Variants in ABR observed in about 807,000 individuals in gnomAD.
ABR encodes active breakpoint cluster region-related protein.
In ABR, 35 loss-of-function variants were observed where a neutral mutation model predicts 107.2. That is an observed-to-expected ratio of 0.33 (90% confidence interval 0.25 to 0.43). The LOEUF is 0.43. Among genes scored for constraint, ABR ranks in the 20% least tolerant of loss-of-function variants. ABR has a pLI of 1.00. For missense variants in ABR, 815 were observed against 1,115.2 expected, an observed-to-expected ratio of 0.73 and a Z score of 3.83; for synonymous variants, 498 against 462.0, an observed-to-expected ratio of 1.08 and a Z score of -1.00.
At chr17:1,187,927 C>A (rs944550315), upstream of ABR, among the ~76,000 whole-genome samples, 14 of 148,616 alleles carry the variant, frequency 9.4e-5, no homozygotes, top group East Asian at 1.6e-3. Flanking sequence ...AAAATATTAT[C>A]AAATTGGGCC....
chr17:1,057,336 GT>G (rs2033422814), intron 12 of ABR, among the ~76,000 whole-genome samples: 17 of 95,902 alleles, frequency 1.8e-4, no homozygotes, highest in South Asian at 7.5e-4. Context: ...GTGTGTGTGT[GT>G]GTGTGTGTGT....
chr17:1,071,143 G>A lies in ABR; in HGVS notation c.895-1053C>T, dbSNP rs1161544950. 6.6e-6 allele frequency among the ~76,000 whole-genome samples: 1 copy of A among 152,162 alleles called. No homozygotes were observed. The highest frequency in any genetic ancestry group is 1.9e-4 in the East Asian group (1 of 5,192). ...CACGCCATTGCACTCCAGCCTGGAC[G>A]ATGGAATGAGATTCAGTCTCAAAAA... is the stretch of plus-strand genomic sequence containing the variant. On this transcript the variant is annotated intron_variant, in intron 8 of 22. Coordinates refer to ENST00000302538, the MANE Select transcript of ABR (RefSeq NM_021962.5). This position sits in a 1 kb window ranked among gnomAD's most constrained non-coding sequence, Gnocchi z 5.1.
chr17:1,198,048 C>A (rs959806264), intron 1 of ABR, among the ~76,000 whole-genome samples: 3 of 151,708 alleles, frequency 2.0e-5, no homozygotes, highest in Admixed American at 2.0e-4. Context: ...GAGAGCTGAG[C>A]TGTCGCCTTC....
chr17:1,012,968 G>A (rs2070756872), intron 17 of ABR, 137 bp downstream of exon 17: 21 of 1,152,616 alleles, frequency 1.8e-5, no homozygotes, highest in African/African-American at 3.1e-5. Flanking sequence ...GGGCAGGAGG[G>A]GAGAGGGGGC....
At chr17:1,059,001 T>C (rs1009893617) in intron 10 of ABR, 134 bp from the exon 11 acceptor site, 5 of 1,353,594 alleles carry the variant, frequency 3.7e-6, no homozygotes, top group East Asian at 2.4e-5. Flanking sequence ...TGACATCTTG[T>C]GGCAGGAGAG....
chr17:1,180,462 A>C (rs911591268), upstream of ABR, among the ~76,000 whole-genome samples: 1 of 151,326 alleles, frequency 6.6e-6, no homozygotes, highest in African/African-American at 2.4e-5. Context: ...CCCTTTCCAC[A>C]CCCCTGACCT....
chr17:1,089,113 G>A (rs563835785), intron 4 of ABR, among the ~76,000 whole-genome samples: 2 of 152,034 alleles, frequency 1.3e-5, no homozygotes, highest in African/African-American at 4.8e-5. Context: ...GGCCAGGCTG[G>A]TCTCGAACTC....
intron 4 of ABR, among the ~76,000 whole-genome samples, chr17:1,090,630 G>C (rs1190348756): frequency 6.6e-6 from 1 of 152,222 alleles, no homozygotes; most frequent in Non-Finnish European, 1.5e-5. Context: ...GCTCAGCTCT[G>C]AACACACTCA....
rs555979792 is a variant in ABR at position 1,004,187 on chromosome 17, C to G, written c.*1893G>C. ...CGACACTCGGATGCCAGGCAGGGAC[C>G]TTAGGAAGGGCCAGGCACTGCATCT... On this transcript the variant is annotated 3_prime_UTR_variant, in exon 23 of 23. Coordinates refer to ENST00000302538, the MANE Select transcript of ABR (RefSeq NM_021962.5). 3 of 152,370 alleles carry G rather than the reference C, an allele frequency of 2.0e-5. No individual in the cohort carries two copies. The East Asian group carries it at 5.8e-4, about 29-fold the overall frequency. 9.4% of individuals were successfully genotyped at this position (152,370 alleles called of 1,614,324 possible).
intron 16 of ABR, among the ~76,000 whole-genome samples, chr17:1,015,245 T>G (rs11657764): frequency 6.6e-6 from 1 of 151,470 alleles, no homozygotes; most frequent in Admixed American, 6.6e-5. Flanking sequence ...GACAAAACCC[T>G]GTCTCTACTA....
At position 1,154,769 on chromosome 17, in the gene ABR, A is replaced by T. The variant is rs1219661341; in HGVS notation, c.61+24898T>A. On this transcript the variant is annotated intron_variant, in intron 1 of 22. Coordinates refer to ENST00000302538, the MANE Select transcript of ABR (RefSeq NM_021962.5). This position sits in a 1 kb window ranked among gnomAD's most constrained non-coding sequence, Gnocchi z 4.0. Reference sequence around the variant, plus strand: ...CCATGGATGTAGTGCTCGCCCTCCCAAGGCCGGTGTCCTGGTGACGATGCC... The same window carrying T: ...CCATGGATGTAGTGCTCGCCCTCCCTAGGCCGGTGTCCTGGTGACGATGCC... 6.7e-6 allele frequency: 1 copy of T among 149,434 alleles called. No homozygotes were observed. The highest frequency in any genetic ancestry group is 1.5e-5 in the Non-Finnish European group (1 of 67,710). The allele number at this position is 149,434 out of a possible 1,614,324, so 9.3% of individuals were successfully genotyped here.
chr17:1,028,257 T>TTTC (rs2072400388), intron 16 of ABR, among the ~76,000 whole-genome samples: 1 of 85,706 alleles, frequency 1.2e-5, no homozygotes, highest in Non-Finnish European at 2.3e-5. Flanking sequence ...TGCCCGGCTA[T>TTTC]TTTTTTTTTT....
chr17:1,213,927 G>A (rs1598138139), intron 1 of ABR, among the ~76,000 whole-genome samples: 2 of 151,232 alleles, frequency 1.3e-5, no homozygotes, highest in African/African-American at 2.4e-5. Context: ...TCGCCCTATC[G>A]CCCAGGCTGG....
At position 1,005,772 on chromosome 17, in the gene ABR, C is replaced by T; in HGVS notation, c.*308G>A. 1 of 424,194 alleles carries T rather than the reference C, an allele frequency of 2.4e-6. No individual in the cohort carries two copies. The highest frequency in any genetic ancestry group is 4.3e-6 in the Non-Finnish European group (1 of 233,162). The allele number at this position is 424,194 out of a possible 1,614,324, so 26.3% of individuals were successfully genotyped here. A position where few individuals can be genotyped will look rare whatever the true frequency, so the allele number is the denominator to read the frequency against. ...AAAGCGGGCTGTCTGTGTGCCCACG[C>T]CGGGCCGGTCACTACCTTTTCTGCC... On this transcript the variant is annotated 3_prime_UTR_variant, in exon 23 of 23. Transcript: ENST00000302538.
intron 2 of ABR, among the ~76,000 whole-genome samples, chr17:1,105,034 A>T (rs2038154651): frequency 7.3e-6 from 1 of 137,882 alleles, no homozygotes; most frequent in Non-Finnish European, 1.5e-5. Flanking sequence ...TTTGAGACAG[A>T]GTCTCACTGT....
In ABR at chr17:1,012,719, C is replaced by T; in HGVS notation, c.1930G>A (p.Val644Ile). ...ACCACGCTGATCTTCACACCGAAGA[C>T]GCCGGTCTGCTTTTTGGACGGGGTC... ...KRTPSKKQTG[V>I]FGVKISVVTK... The change falls in exon 18 of 23, where the codon GTC becomes ATC. Residue 644 changes from valine (V) to isoleucine (I), a missense_variant. By Grantham distance (29) the Val-to-Ile change is conservative. This residue lies in a region of ABR where 175 missense variants were observed against 284.3 expected (regional missense o/e 0.62). Coordinates refer to ENST00000302538, the MANE Select transcript of ABR (RefSeq NM_021962.5). The T allele has an allele frequency of 1.9e-6, 3 of 1,593,148 alleles. No homozygotes were observed. The highest frequency in any genetic ancestry group is 2.6e-6 in the Non-Finnish European group (3 of 1,168,918).
At chr17:1,109,730 T>TGGAG (rs2038544977) in intron 2 of ABR, among the ~76,000 whole-genome samples, 1 of 151,860 alleles carries the variant, frequency 6.6e-6, no homozygotes, top group Admixed American at 6.5e-5. Flanking sequence ...CCGCCGCCGC[T>TGGAG]GGAGGAGTCA....
Position 1,134,917 on chromosome 17 carries a change from G to A in ABR, c.62-9550C>T, listed in dbSNP as rs377736194. 1.7e-4 allele frequency among the ~76,000 whole-genome samples: 26 copies of A among 152,244 alleles called. No individual in the cohort carries two copies. The East Asian group carries it at 4.2e-3, about 25-fold the overall frequency. ...AGCAAATCCGTGTGAAACGGGGGACGACACAGGATCAAGTGCACGGGCCGC... is the reference window on the plus strand; with the variant it reads ...AGCAAATCCGTGTGAAACGGGGGACAACACAGGATCAAGTGCACGGGCCGC... On this transcript the variant is annotated intron_variant, in intron 1 of 22. Transcript: ENST00000302538.
At chr17:1,095,362 A>G (rs116499221) in intron 3 of ABR, among the ~76,000 whole-genome samples, 2,720 of 152,112 alleles carry the variant, frequency 0.018, 49 homozygotes, top group East Asian at 0.096. Context: ...CACGATGGGG[A>G]CCTTGGCTGT....
Sources: gnomAD v4.1 joint callset for allele counts (sites outside exome capture counted in the v4.1 genomes callset) on GRCh38, gnomAD v4.1.1 for gene constraint, gnomAD v4.1.1 regional missense constraint, Gnocchi (gnomAD v3.1) non-coding constraint, MANE v1.5 for transcripts, NCBI Gene and HGNC (gene_info 2026-07-23, HGNC 2026-07-21) for gene names.